PPFIA2: variants seen among roughly 807,000 people sequenced by gnomAD.
PPFIA2 encodes the protein liprin-alpha-2.
A neutral mutation model predicts 175.5 loss-of-function variants in PPFIA2; 46 were observed. The observed-to-expected ratio is 0.26, with a 90% confidence interval of 0.21 to 0.34. PPFIA2 has a LOEUF of 0.34. Ranked by LOEUF, PPFIA2 falls within the 10% of genes least tolerant of loss-of-function variation. The pLI is 1.00. For synonymous variants in PPFIA2, 568 were observed against 511.4 expected (o/e 1.11, Z -1.49); for missense variants, 1,179 against 1,506.1 (o/e 0.78, Z 3.60).
At chr12:81,479,449 G>C (rs983394629) in intron 4 of PPFIA2, among the ~76,000 whole-genome samples, 2 of 152,156 alleles carry the variant, frequency 1.3e-5, no homozygotes, top group African/African-American at 4.8e-5. Flanking sequence ...TTTCACGTGT[G>C]AATTTAATCT....
Position 81,443,237 on chromosome 12 carries a change from T to C in PPFIA2, c.570+2319A>G, listed in dbSNP as rs1027494658. ...GACTCTGAGGTCAGTACTAGGATTA[T>C]CTTAATTCAAGATAAGAGGTAATTG... On this transcript the variant is annotated intron_variant, in intron 6 of 32. Transcript: ENST00000549396. Among the ~76,000 whole-genome samples the C allele has an allele frequency of 1.5e-4, 23 of 152,150 alleles. 1 individual carries two copies. The highest frequency in any genetic ancestry group is 5.5e-4 in the African/African-American group (23 of 41,522).
intron 3 of PPFIA2, among the ~76,000 whole-genome samples, chr12:81,736,256 C>T (rs1447081044): frequency 6.6e-6 from 1 of 151,862 alleles, no homozygotes; most frequent in Non-Finnish European, 1.5e-5. Flanking sequence ...ACTATACAAG[C>T]CTTGCATGTA....
intron 21 of PPFIA2, among the ~76,000 whole-genome samples, chr12:81,337,943 A>C (rs1432984628): frequency 1.3e-5 from 2 of 152,150 alleles, no homozygotes; most frequent in African/African-American, 4.8e-5. Flanking sequence ...TAGCCTAAAG[A>C]GTTCCTCTAC....
chr12:81,566,535 AAAAAAAAAAAAAAAAAAG>A (rs563342329), intron 4 of PPFIA2, among the ~76,000 whole-genome samples: 7 of 150,454 alleles, frequency 4.7e-5, no homozygotes, highest in Non-Finnish European at 1.0e-4. Context: ...CAACTCAAAA[AAAAAAAAAAAAAAAAAAG>A]AAAAGAAAAG....
Position 81,263,263 on chromosome 12 carries a change from G to A in PPFIA2, c.3683C>T (p.Thr1228Ile). 6.2e-7 allele frequency: 1 copy of A among 1,611,372 alleles called. No homozygotes were observed. ...TLPAGFRLTT[T>I]SGQSRKMTTD... ...TGTCATTTTTCTTGACTGCCCAGAGGTTGTGGTTAACCTAAATCCAGCTGG... is the reference window on the plus strand; with the variant it reads ...TGTCATTTTTCTTGACTGCCCAGAGATTGTGGTTAACCTAAATCCAGCTGG... Residue 1228 changes from threonine to isoleucine, a missense_variant, in exon 31 of 33, where the codon ACC becomes ATC. Coordinates refer to ENST00000549396, the MANE Select transcript of PPFIA2 (RefSeq NM_003625.5).
chr12:81,626,666 G>C (rs1362951409), intron 4 of PPFIA2, among the ~76,000 whole-genome samples: 1 of 151,996 alleles, frequency 6.6e-6, no homozygotes, highest in Non-Finnish European at 1.5e-5. Flanking sequence ...CTATTATAAA[G>C]GACACCTGCT....
intron 4 of PPFIA2, among the ~76,000 whole-genome samples, chr12:81,579,977 G>A (rs945774589): frequency 6.6e-6 from 1 of 151,590 alleles, no homozygotes; most frequent in East Asian, 1.9e-4. Flanking sequence ...ACAATTCCAA[G>A]GATCTTTTAC....
At chr12:81,641,383 A>G (rs530373027) in intron 4 of PPFIA2, among the ~76,000 whole-genome samples, 1 of 152,318 alleles carries the variant, frequency 6.6e-6, no homozygotes, top group East Asian at 1.9e-4. Flanking sequence ...AGCAAATTAC[A>G]AAAGTGACCA....
chr12:81,687,017 A>G (rs1306260043), intron 3 of PPFIA2, among the ~76,000 whole-genome samples: 1 of 151,988 alleles, frequency 6.6e-6, no homozygotes, highest in African/African-American at 2.4e-5. Flanking sequence ...AGGAACTCAT[A>G]AGACATGCAA....
chr12:81,296,208 A>C (rs2046401631), intron 23 of PPFIA2, among the ~76,000 whole-genome samples: 1 of 152,078 alleles, frequency 6.6e-6, no homozygotes, highest in Non-Finnish European at 1.5e-5. Context: ...AATTCCAGCT[A>C]CGGGGGAGGC....
intron 9 of PPFIA2, among the ~76,000 whole-genome samples, chr12:81,382,316 G>T (rs1287232148): frequency 1.3e-5 from 2 of 152,228 alleles, no homozygotes; most frequent in African/African-American, 4.8e-5. Flanking sequence ...TACATGGCTT[G>T]TAGACCACTG....
rs540259378 is a variant in PPFIA2 at position 81,288,871 on chromosome 12, A to T, written c.2926-4568T>A. On this transcript the variant is annotated intron_variant, in intron 24 of 32. Coordinates refer to ENST00000549396, the MANE Select transcript of PPFIA2 (RefSeq NM_003625.5). ...ATAAAGGTTAAGGTTTATAAAGGCA[A>T]TTATACCACACCCTCTTTTCAATAA... 2.2e-4 allele frequency among the ~76,000 whole-genome samples: 34 copies of T among 151,902 alleles called. No individual in the cohort carries two copies. In the South Asian group the frequency reaches 3.7e-3, roughly 17 times the overall value.
intron 3 of PPFIA2, among the ~76,000 whole-genome samples, chr12:81,684,782 A>C (rs1216099166): frequency 6.6e-6 from 1 of 152,074 alleles, no homozygotes; most frequent in Non-Finnish European, 1.5e-5. Flanking sequence ...CTAATGAGAC[A>C]TCCTCCTGAA....
chr12:81,416,934 C>T (rs764333439), intron 7 of PPFIA2, among the ~76,000 whole-genome samples: 1 of 151,542 alleles, frequency 6.6e-6, no homozygotes, highest in Non-Finnish European at 1.5e-5. Flanking sequence ...TGAATGAGAG[C>T]ATTTGTTTTC....
rs188840676 is a variant in PPFIA2, at chr12:81,661,884, G to A, written c.303+14907C>T. Reference sequence around the variant, plus strand: ...ACAGTGCAATCAAACTAGAATTCAGGATTAAGAAACTCATTCAAAACCACT... The same window carrying A: ...ACAGTGCAATCAAACTAGAATTCAGAATTAAGAAACTCATTCAAAACCACT... On this transcript the variant is annotated intron_variant, in intron 4 of 32. Coordinates refer to ENST00000549396, the MANE Select transcript of PPFIA2 (RefSeq NM_003625.5). 3.2e-4 allele frequency among the ~76,000 whole-genome samples: 49 copies of A among 152,198 alleles called. 1 individual carries two copies. Among genetic ancestry groups the A allele is most frequent in the African/African-American group, 1.2e-3 (49 of 41,534 alleles).
intron 3 of PPFIA2, among the ~76,000 whole-genome samples, chr12:81,699,146 G>A (rs1397257872): frequency 2.0e-5 from 3 of 151,986 alleles, no homozygotes; most frequent in Non-Finnish European, 4.4e-5. Context: ...TACTAAAGGA[G>A]ATATAGAGAG....
intron 3 of PPFIA2, among the ~76,000 whole-genome samples, chr12:81,698,256 G>A (rs1379572347): frequency 6.6e-6 from 1 of 152,086 alleles, no homozygotes; most frequent in African/African-American, 2.4e-5. Flanking sequence ...GTTAAGAGGT[G>A]GGACCCTTAT....
intron 21 of PPFIA2, 60 bp from the exon 22 acceptor site, chr12:81,325,930 G>C: frequency 7.8e-7 from 1 of 1,282,140 alleles, no homozygotes; most frequent in Non-Finnish European, 1.1e-6. Flanking sequence ...CAATTCTGAA[G>C]TCAGGTTGTT....
At position 81,675,937 on chromosome 12, in the gene PPFIA2, C is replaced by T. The variant is rs545870039; in HGVS notation, c.303+854G>A. ...CAACTTGATGAAAATTAGATAACAC[C>T]GTGAGACATATCTGAGTGAGAAAGA... On this transcript the variant is annotated intron_variant, in intron 4 of 32. Coordinates refer to ENST00000549396, the MANE Select transcript of PPFIA2 (RefSeq NM_003625.5). Among the ~76,000 whole-genome samples the T allele has an allele frequency of 3.9e-4, 60 of 152,028 alleles. 1 individual carries two copies. Among genetic ancestry groups the T allele is most frequent in the East Asian group, 2.7e-3 (14 of 5,146 alleles).
Sources: gnomAD v4.1 joint callset for allele counts (sites outside exome capture counted in the v4.1 genomes callset) on GRCh38, gnomAD v4.1.1 for gene constraint, MANE v1.5 for transcripts, NCBI Gene and HGNC (gene_info 2026-07-23, HGNC 2026-07-21) for gene names.